Variants in PGAP1 observed in about 807,000 individuals in gnomAD.
The protein encoded by PGAP1 is GPI inositol-deacylase.
In PGAP1, 76 loss-of-function variants were observed where a neutral mutation model predicts 127.0. That is an observed-to-expected ratio of 0.60 (90% CI 0.50 to 0.72). PGAP1 has a LOEUF of 0.72. Among genes scored for constraint, PGAP1 ranks in the 30% least tolerant of loss-of-function variants. PGAP1 has a pLI of 0.00. For missense variants in PGAP1, 982 were observed against 1,071.3 expected, an observed-to-expected ratio of 0.92 and a Z score of 1.16; for synonymous variants, 362 against 366.5, an observed-to-expected ratio of 0.99 and a Z score of 0.14.
chr2:196,905,793 C>T (rs966170721), intron 4 of PGAP1, among the ~76,000 whole-genome samples: 32 of 140,248 alleles, frequency 2.3e-4, no homozygotes, highest in South Asian at 7.4e-4. Context: ...ACCTGGGAAG[C>T]GCAAGGGGTC....
chr2:196,857,301 C>G (rs999012659), intron 20 of PGAP1, among the ~76,000 whole-genome samples: 1 of 152,140 alleles, frequency 6.6e-6, no homozygotes, highest in African/African-American at 2.4e-5. Flanking sequence ...TAATGCTGGC[C>G]CAGCACTTTG....
chr2:196,887,667 GA>G (rs1200865347), intron 10 of PGAP1, among the ~76,000 whole-genome samples: 2 of 152,148 alleles, frequency 1.3e-5, no homozygotes, highest in Non-Finnish European at 2.9e-5. Context: ...AGCCCTCAGG[GA>G]AAATGATGAA....
chr2:196,891,496 G>GA (rs1225146688), intron 9 of PGAP1, among the ~76,000 whole-genome samples: 1 of 152,078 alleles, frequency 6.6e-6, no homozygotes, highest in Admixed American at 6.5e-5. Context: ...TCAACAGACT[G>GA]AAAGAAAACA....
intron 19 of PGAP1, among the ~76,000 whole-genome samples, chr2:196,865,833 GACAA>G (rs1472852519): frequency 1.3e-5 from 2 of 152,078 alleles, no homozygotes; most frequent in African/African-American, 2.4e-5. Flanking sequence ...ACCAGTAACA[GACAA>G]ACAGAGAGCC....
rs144962283 is a variant in PGAP1 at position 196,894,250 on chromosome 2, T to C, written c.928-1005A>G. ...CTTCAAACATATCAAGTGTTTTTCA[T>C]TGAACTCTTTTGGTCCCTTCACCAT... On this transcript the variant is annotated intron_variant, in intron 7 of 26. Transcript: ENST00000354764. Among the ~76,000 whole-genome samples, 362 of 152,342 alleles carry C rather than the reference T, an allele frequency of 2.4e-3. 12 individuals are homozygous for C. The East Asian group carries it at 0.058, about 24-fold the overall frequency.
At chr2:196,885,587 T>C in intron 11 of PGAP1, 112 bp from the exon 12 acceptor site, 2 of 787,810 alleles carry the variant, frequency 2.5e-6, no homozygotes, top group Non-Finnish European at 4.0e-6. Context: ...TAGAGATGTC[T>C]ATTGAGCCTA....
chr2:196,838,049 G>C lies in PGAP1; in HGVS notation c.*3185C>G, dbSNP rs1021224237. The C allele has an allele frequency of 1.1e-4, 16 of 151,634 alleles. No homozygotes were observed. The highest frequency in any genetic ancestry group is 2.1e-4 in the South Asian group (1 of 4,802). 9.4% of individuals were successfully genotyped at this position (151,634 alleles called of 1,614,324 possible). ...AATTTCTGGCATAAAAAAGATCCAGGAAAAAAAACAGTGTTAGCAATCTCT... is the reference window on the plus strand; with the variant it reads ...AATTTCTGGCATAAAAAAGATCCAGCAAAAAAAACAGTGTTAGCAATCTCT... On this transcript the variant is annotated 3_prime_UTR_variant, in exon 27 of 27. Transcript: ENST00000354764.
chr2:196,833,326 T>A lies in PGAP1; in HGVS notation c.*7908A>T, dbSNP rs2125767977. On this transcript the variant is annotated 3_prime_UTR_variant, in exon 27 of 27. Coordinates refer to ENST00000354764, the MANE Select transcript of PGAP1 (RefSeq NM_024989.4). ...TGTACAAAGTACTGGAGATCATGCA[T>A]GTTTAAATGGAAAGATCAGCAAGGT... 1 of 152,318 alleles carries A rather than the reference T, an allele frequency of 6.6e-6. No homozygotes were observed. The highest frequency in any genetic ancestry group is 1.5e-5 in the Non-Finnish European group (1 of 68,014). The allele number at this position is 152,318 out of a possible 1,614,324, so 9.4% of individuals were successfully genotyped here.
chr2:196,894,150 G>A (rs754209758), intron 7 of PGAP1, among the ~76,000 whole-genome samples: 2 of 152,148 alleles, frequency 1.3e-5, no homozygotes, highest in South Asian at 4.1e-4. Flanking sequence ...CTTAGATTGG[G>A]AGACAGTCCT....
At chr2:196,917,026 ACATCCAATC>A (rs1703034483) in intron 2 of PGAP1, among the ~76,000 whole-genome samples, 1 of 152,160 alleles carries the variant, frequency 6.6e-6, no homozygotes, top group African/African-American at 2.4e-5. Flanking sequence ...CCTACACAGG[ACATCCAATC>A]CATCAGTAAG....
chr2:196,855,853 G>A (rs900888644), intron 20 of PGAP1, among the ~76,000 whole-genome samples: 5 of 152,064 alleles, frequency 3.3e-5, no homozygotes, highest in African/African-American at 4.8e-5. Flanking sequence ...ATATTACCAC[G>A]GCTTTATCAA....
intron 6 of PGAP1, 45 bp downstream of exon 6, chr2:196,898,272 G>A (rs1702351316): frequency 2.3e-6 from 3 of 1,295,696 alleles, no homozygotes; most frequent in African/African-American, 3.0e-5. Context: ...GGAGAAAGAG[G>A]ACCATGACAA....
chr2:196,844,073 A>G lies in PGAP1; in HGVS notation c.2340T>C (p.Asn780=). The G allele has an allele frequency of 6.5e-7, 1 of 1,542,326 alleles. No individual in the cohort carries two copies. Among genetic ancestry groups the G allele is most frequent in the African/African-American group, 1.4e-5 (1 of 73,434 alleles). The stretch of plus-strand genomic sequence containing the variant: ...TTTCACTTCTTCTAGAGTGTTTGGG[A>G]TTCTATAAAACAATAAAGTAGAAAT... ...LTTFKNSQPV[N]PKHSRRSEKK... The change falls in exon 25 of 27, where the codon AAT becomes AAC. Residue 780 remains asparagine, a splice_region_variant and synonymous_variant. Transcript: ENST00000354764.
chr2:196,873,048 G>A lies in PGAP1; in HGVS notation c.1553-22C>T, dbSNP rs759732571. ...TCTTCTGTTAAAACATTTAAAAAAT[G>A]TATTATTAACAACATGTTACCCTAA... On this transcript the variant is annotated intron_variant, in intron 16 of 26. Transcript: ENST00000354764. 7.1e-6 allele frequency: 5 copies of A among 702,068 alleles called. No individual in the cohort carries two copies. The Admixed American group carries it at 8.2e-5, about 12-fold the overall frequency. The allele number at this position is 702,068 out of a possible 1,614,324, so 43.5% of individuals were successfully genotyped here.
At chr2:196,848,547 G>GGA (rs1179818321) in intron 20 of PGAP1, among the ~76,000 whole-genome samples, 1 of 151,864 alleles carries the variant, frequency 6.6e-6, no homozygotes, top group African/African-American at 2.4e-5. Context: ...TCACATACAT[G>GGA]GAATCATAAT....
intron 7 of PGAP1, among the ~76,000 whole-genome samples, chr2:196,895,306 C>T (rs1276640157): frequency 2.0e-5 from 3 of 152,016 alleles, no homozygotes; most frequent in Admixed American, 6.5e-5. Context: ...GTTTTATGTC[C>T]AATTTTTTTA....
chr2:196,847,124 T>C lies in PGAP1; in HGVS notation c.2029A>G (p.Met677Val). The C allele has an allele frequency of 1.2e-6, 2 of 1,613,256 alleles. No individual in the cohort carries two copies. The highest frequency in any genetic ancestry group is 1.7e-6 in the Non-Finnish European group (2 of 1,179,408). Reference protein sequence around the residue: ...LDAVILTCQSMCFPLISLILF... With the variant: ...LDAVILTCQSVCFPLISLILF... ...ATCAAGGATATCAGGGGGAAACACATACTCTGACAAGTTAAAATGACGGCA... is the reference window on the plus strand; with the variant it reads ...ATCAAGGATATCAGGGGGAAACACACACTCTGACAAGTTAAAATGACGGCA... The change falls in exon 22 of 27, where the codon ATG (methionine) becomes GTG (valine). Residue 677 changes from methionine (M) to valine (V), a missense_variant. By Grantham distance (21) the Met-to-Val change is conservative (BLOSUM62 1). Transcript: ENST00000354764.
chr2:196,886,939 G>A (rs976038732), intron 10 of PGAP1, among the ~76,000 whole-genome samples: 7 of 151,862 alleles, frequency 4.6e-5, no homozygotes, highest in African/African-American at 1.2e-4. Context: ...CTCATGATCC[G>A]CCCGCCTCAA....
intron 7 of PGAP1, among the ~76,000 whole-genome samples, chr2:196,894,814 C>T: frequency 6.6e-6 from 1 of 152,096 alleles, no homozygotes; most frequent in African/African-American, 2.4e-5. Flanking sequence ...AAAACAAAAA[C>T]AAAAACAAAA....
Sources: gnomAD v4.1 joint callset for allele counts (sites outside exome capture counted in the v4.1 genomes callset) on GRCh38, gnomAD v4.1.1 for gene constraint, MANE v1.5 for transcripts, NCBI Gene and HGNC (gene_info 2026-07-23, HGNC 2026-07-21) for gene names.